The following NARS2 variants were observed in gnomAD, a reference collection of about 807,000 sequenced individuals.
NARS2 encodes asparaginyl-tRNA synthetase.
In NARS2, 60 loss-of-function variants were observed where a neutral mutation model predicts 62.9. The ratio of observed to expected loss-of-function variants is 0.95; its 90% CI spans 0.77 to 1.18. The LOEUF (loss-of-function observed/expected upper bound fraction) is 1.18. Among genes scored for constraint, NARS2 ranks in the 50% most tolerant of loss-of-function variants. The pLI is 0.00. For synonymous variants in NARS2, 196 were observed against 200.0 expected, an observed-to-expected ratio of 0.98 and a Z score of 0.17; for missense variants, 619 against 576.4, an observed-to-expected ratio of 1.07 and a Z score of -0.76.
intron 7 of NARS2, 69 bp downstream of exon 7, chr11:78,492,994 G>A (rs904214699): frequency 1.9e-5 from 27 of 1,389,868 alleles, no homozygotes; most frequent in African/African-American, 3.0e-5. Context: ...ATAAACGTCC[G>A]AGGTAAAAAT....
At position 78,518,403 on chromosome 11, in the gene NARS2, T is replaced by C. The variant is rs138978775; in HGVS notation, c.689+10439A>G. Among the ~76,000 whole-genome samples the C allele has an allele frequency of 3.5e-3, 536 of 152,348 alleles. 2 individuals are homozygous for C. Among genetic ancestry groups the C allele is most frequent in the African/African-American group, 0.012 (514 of 41,590 alleles). On this transcript the variant is annotated intron_variant, in intron 6 of 13. Coordinates refer to ENST00000281038, the MANE Select transcript of NARS2 (RefSeq NM_024678.6). ...TTTACAAATTCAGTTTAACTACTAC[T>C]TGCTAGTGATTATGAGGACATGGAG...
At chr11:78,442,082 G>A (rs1857593038) in intron 12 of NARS2, among the ~76,000 whole-genome samples, 1 of 152,198 alleles carries the variant, frequency 6.6e-6, no homozygotes, top group African/African-American at 2.4e-5. Context: ...ACGAAAGACA[G>A]ATGTGGCTAT....
At chr11:78,528,733 G>T (rs1861380821) in intron 6 of NARS2, 109 bp downstream of exon 6, 3 of 722,270 alleles carry the variant, frequency 4.2e-6, no homozygotes, top group Non-Finnish European at 4.7e-6. Flanking sequence ...AAATTCAAGT[G>T]AACTAATGAT....
chr11:78,474,252 G>A (rs1858993543), intron 9 of NARS2, among the ~76,000 whole-genome samples: 1 of 152,084 alleles, frequency 6.6e-6, no homozygotes, highest in South Asian at 2.1e-4. Context: ...TGAGGAAACT[G>A]AAGTTCAGAA....
At chr11:78,459,827 T>A (rs779148791) in intron 11 of NARS2, among the ~76,000 whole-genome samples, 2 of 152,212 alleles carry the variant, frequency 1.3e-5, no homozygotes, top group Admixed American at 6.5e-5. Flanking sequence ...GTCATGCACA[T>A]AGATGTAAAA....
chr11:78,512,868 A>G lies in NARS2; in HGVS notation c.689+15974T>C, dbSNP rs147851518. Among the ~76,000 whole-genome samples the G allele has an allele frequency of 3.7e-3, 562 of 152,330 alleles. 2 individuals carry two copies. Among genetic ancestry groups the G allele is most frequent in the Middle Eastern group, 6.8e-3 (2 of 294 alleles). On this transcript the variant is annotated intron_variant, in intron 6 of 13. Coordinates refer to ENST00000281038, the MANE Select transcript of NARS2 (RefSeq NM_024678.6). ...GTGTACAGGCACTCAATCAGTAAAAATCACATCACGGAATATTGGGTATCC... is the reference window on the plus strand; with the variant it reads ...GTGTACAGGCACTCAATCAGTAAAAGTCACATCACGGAATATTGGGTATCC...
At chr11:78,524,829 T>C (rs773036974) in intron 6 of NARS2, among the ~76,000 whole-genome samples, 40 of 152,202 alleles carry the variant, frequency 2.6e-4, no homozygotes, top group Admixed American at 3.3e-4. Flanking sequence ...TAACTAATTT[T>C]TAGGACTAGG....
chr11:78,517,092 T>C (rs1441795567), intron 6 of NARS2, among the ~76,000 whole-genome samples: 1 of 152,168 alleles, frequency 6.6e-6, no homozygotes. Flanking sequence ...TGCAAAGGAA[T>C]ACAAATGGGA....
At chr11:78,472,979 G>A (rs939951612) in intron 9 of NARS2, among the ~76,000 whole-genome samples, 3 of 152,218 alleles carry the variant, frequency 2.0e-5, no homozygotes, top group African/African-American at 4.8e-5. Context: ...TGGCTACCCC[G>A]CACATTTTAA....
At chr11:78,563,881 C>CACAA (rs1565287533) in intron 4 of NARS2, among the ~76,000 whole-genome samples, 1 of 100,554 alleles carries the variant, frequency 9.9e-6, no homozygotes. Context: ...TATACACACA[C>CACAA]ACAGTATTAT....
intron 6 of NARS2, among the ~76,000 whole-genome samples, chr11:78,524,806 C>G (rs1185455095): frequency 6.6e-6 from 1 of 152,024 alleles, no homozygotes; most frequent in Non-Finnish European, 1.5e-5. Context: ...GGAACTAGGG[C>G]TCTTTGGAGA....
At chr11:78,465,594 TACAAAACAAA>T (rs775653540) in intron 11 of NARS2, among the ~76,000 whole-genome samples, 14 of 152,212 alleles carry the variant, frequency 9.2e-5, no homozygotes, top group African/African-American at 2.9e-4. Flanking sequence ...TCTCAGTCAT[TACAAAACAAA>T]ACAAAACAAA....
intron 11 of NARS2, among the ~76,000 whole-genome samples, chr11:78,452,037 C>T (rs944993739): frequency 1.3e-5 from 2 of 152,130 alleles, no homozygotes; most frequent in Non-Finnish European, 2.9e-5. Flanking sequence ...GTATCCATAT[C>T]TTTTAGTTAG....
Position 78,513,900 on chromosome 11 carries a change from C to T in NARS2, c.689+14942G>A, listed in dbSNP as rs557135276. Among the ~76,000 whole-genome samples the T allele has an allele frequency of 3.6e-4, 54 of 152,014 alleles. No homozygotes were observed. In the South Asian group the frequency reaches 8.7e-3, roughly 25 times the overall value. ...TCATGGTTTGATGCTGTGTTTTTGACGGTGGGTTCTCATGTGATGTGATCA... is the reference window on the plus strand; with the variant it reads ...TCATGGTTTGATGCTGTGTTTTTGATGGTGGGTTCTCATGTGATGTGATCA... On this transcript the variant is annotated intron_variant, in intron 6 of 13. Transcript: ENST00000281038.
intron 5 of NARS2, among the ~76,000 whole-genome samples, chr11:78,535,101 T>C (rs574537049): frequency 8.5e-5 from 13 of 152,318 alleles, no homozygotes; most frequent in Non-Finnish European, 1.5e-4. Flanking sequence ...TTTTAATAAG[T>C]AGAACCAGTT....
intron 1 of NARS2, among the ~76,000 whole-genome samples, chr11:78,572,138 C>T (rs1373641909): frequency 2.0e-5 from 3 of 152,018 alleles, no homozygotes; most frequent in Non-Finnish European, 2.9e-5. Flanking sequence ...GCCAAGATCG[C>T]GCCAGTGCAC....
At chr11:78,477,291 C>G (rs1028097447) in intron 9 of NARS2, among the ~76,000 whole-genome samples, 1 of 152,194 alleles carries the variant, frequency 6.6e-6, no homozygotes, top group African/African-American at 2.4e-5. Context: ...TATCCAACAT[C>G]TATGGCTGGA....
intron 4 of NARS2, among the ~76,000 whole-genome samples, chr11:78,561,641 T>C (rs1856558484): frequency 6.6e-6 from 1 of 152,264 alleles, no homozygotes; most frequent in Non-Finnish European, 1.5e-5. Flanking sequence ...ATTATCTTTT[T>C]CTTTCACGTG....
At chr11:78,574,097 T>C (rs1043945678) in intron 1 of NARS2, among the ~76,000 whole-genome samples, 1 of 152,166 alleles carries the variant, frequency 6.6e-6, no homozygotes, top group Non-Finnish European at 1.5e-5. Flanking sequence ...ATTTACACTT[T>C]TGGTATGATT....
Sources: allele counts gnomAD v4.1 joint callset (sites outside exome capture counted in the v4.1 genomes callset), GRCh38; gene constraint gnomAD v4.1.1; transcripts MANE v1.5; gene names NCBI Gene and HGNC (gene_info 2026-07-23, HGNC 2026-07-21).